Variants in DRC11 observed in about 807,000 individuals in gnomAD.
The protein encoded by DRC11 is dynein regulatory complex subunit 11.
At chr2:236,470,484 T>C in the DRC11 span, among the ~76,000 whole-genome samples, 1 of 152,120 alleles carries the variant, frequency 6.6e-6, no homozygotes, top group Non-Finnish European at 1.5e-5. The surrounding 1 kb of genome is among the most constrained non-coding windows in gnomAD (Gnocchi z 5.1). Flanking sequence ...TTCGGTCAGA[T>C]CATTGGGCTC....
chr2:236,406,194 G>T, the DRC11 span, among the ~76,000 whole-genome samples: 1 of 152,218 alleles, frequency 6.6e-6, no homozygotes, highest in Non-Finnish European at 1.5e-5. This position sits in a 1 kb window ranked among gnomAD's most constrained non-coding sequence, Gnocchi z 4.7. Context: ...TCCAGAAGAG[G>T]CTTTGTTATC....
chr2:236,409,551 C>T, the DRC11 span, among the ~76,000 whole-genome samples: 1 of 152,094 alleles, frequency 6.6e-6, no homozygotes, highest in Non-Finnish European at 1.5e-5. Context: ...ATGTCGTCTG[C>T]AAACAGGGAC....
At chr2:236,389,594 C>G in the DRC11 span, among the ~76,000 whole-genome samples, 1 of 152,164 alleles carries the variant, frequency 6.6e-6, no homozygotes, top group African/African-American at 2.4e-5. Context: ...CCCGGTACCT[C>G]AGATGGAAAT....
chr2:236,399,440 T>C, the DRC11 span: 111 of 1,613,906 alleles, frequency 6.9e-5, no homozygotes, highest in African/African-American at 2.7e-5. The surrounding 1 kb of genome is among the most constrained non-coding windows in gnomAD (Gnocchi z 7.0). Flanking sequence ...CCTTCCTTCA[T>C]TGCAGGAAGA....
the DRC11 span, among the ~76,000 whole-genome samples, chr2:236,356,077 C>G: frequency 1.3e-5 from 2 of 152,162 alleles, no homozygotes; most frequent in Non-Finnish European, 2.9e-5. Context: ...TGTCCTACAG[C>G]TGACACTGCC....
the DRC11 span, among the ~76,000 whole-genome samples, chr2:236,382,013 T>A: frequency 9.8e-5 from 15 of 152,336 alleles, no homozygotes; most frequent in African/African-American, 3.6e-4. Context: ...AAAAATTGTG[T>A]TTTGGATGCT....
At chr2:236,476,589 C>A in the DRC11 span, among the ~76,000 whole-genome samples, 31 of 152,122 alleles carry the variant, frequency 2.0e-4, no homozygotes, top group African/African-American at 7.5e-4. This position sits in a 1 kb window ranked among gnomAD's most constrained non-coding sequence, Gnocchi z 4.7. Flanking sequence ...GCTAGGACTT[C>A]CAGTATTATG....
At chr2:236,426,619 C>A in the DRC11 span, among the ~76,000 whole-genome samples, 1 of 152,132 alleles carries the variant, frequency 6.6e-6, no homozygotes, top group African/African-American at 2.4e-5. This position sits in a 1 kb window ranked among gnomAD's most constrained non-coding sequence, Gnocchi z 4.1. Context: ...GTTGCCCAGG[C>A]TCTTCTCGAA....
At chr2:236,391,925 A>T in the DRC11 span, 9 of 1,517,494 alleles carry the variant, frequency 5.9e-6, no homozygotes, top group Non-Finnish European at 8.2e-6. The surrounding 1 kb of genome is among the most constrained non-coding windows in gnomAD (Gnocchi z 4.5). Flanking sequence ...GCTGCTTTTC[A>T]TGACTGAATC....
chr2:236,492,536 G>A, the DRC11 span, among the ~76,000 whole-genome samples: 1 of 152,330 alleles, frequency 6.6e-6, no homozygotes. Context: ...GGTTTACCCT[G>A]GGACCCTGGC....
At chr2:236,344,252 G>A in the DRC11 span, among the ~76,000 whole-genome samples, 1 of 152,188 alleles carries the variant, frequency 6.6e-6, no homozygotes, top group East Asian at 1.9e-4. Context: ...ACTCCTATGT[G>A]TGCCATTTGC....
At chr2:236,484,417 TAAA>T in the DRC11 span, among the ~76,000 whole-genome samples, 1 of 152,160 alleles carries the variant, frequency 6.6e-6, no homozygotes. Context: ...AAGCAAAAAT[TAAA>T]AAACAATCAT....
the DRC11 span, among the ~76,000 whole-genome samples, chr2:236,353,210 C>G: frequency 8.5e-5 from 13 of 152,326 alleles, no homozygotes; most frequent in South Asian, 2.7e-3. This position sits in a 1 kb window ranked among gnomAD's most constrained non-coding sequence, Gnocchi z 5.0. Flanking sequence ...TTCCAGAGTT[C>G]TGTCGGGTAG....
the DRC11 span, among the ~76,000 whole-genome samples, chr2:236,413,391 G>A: frequency 6.6e-6 from 1 of 152,108 alleles, no homozygotes; most frequent in Non-Finnish European, 1.5e-5. The surrounding 1 kb of genome is among the most constrained non-coding windows in gnomAD (Gnocchi z 4.0). Flanking sequence ...TATTTCAGTG[G>A]GCACAGAAGA....
At chr2:236,497,089 G>A in the DRC11 span, 85 of 1,130,962 alleles carry the variant, frequency 7.5e-5, no homozygotes, top group African/African-American at 2.6e-4. The surrounding 1 kb of genome is among the most constrained non-coding windows in gnomAD (Gnocchi z 5.1). Context: ...GTAGAGTATC[G>A]TGTACAGATA....
At chr2:236,354,558 C>T in the DRC11 span, among the ~76,000 whole-genome samples, 1 of 152,118 alleles carries the variant, frequency 6.6e-6, no homozygotes, top group Non-Finnish European at 1.5e-5. Context: ...GGACTCTAGC[C>T]AGCTTGGAGA....
chr2:236,416,732 TATATATA>T, the DRC11 span, among the ~76,000 whole-genome samples: 1 of 45,260 alleles, frequency 2.2e-5, no homozygotes, highest in Non-Finnish European at 4.6e-5. Flanking sequence ...TATATATATA[TATATATA>T]TATATATATA....
At chr2:236,507,467 CGG>C in the DRC11 span, 1 of 600,770 alleles carries the variant, frequency 1.7e-6, no homozygotes, top group Non-Finnish European at 3.0e-6. Flanking sequence ...TTCGCAGGCA[CGG>C]AGCGCGCAGG....
At chr2:236,367,289 A>G in the DRC11 span, among the ~76,000 whole-genome samples, 1 of 148,156 alleles carries the variant, frequency 6.7e-6, no homozygotes, top group Non-Finnish European at 1.5e-5. The surrounding 1 kb of genome is among the most constrained non-coding windows in gnomAD (Gnocchi z 4.8). Flanking sequence ...GCTATTATAT[A>G]TTATATAAAA....
Sources: allele counts gnomAD v4.1 joint callset (sites outside exome capture counted in the v4.1 genomes callset), GRCh38; gene constraint gnomAD v4.1.1; non-coding constraint Gnocchi (gnomAD v3.1); transcripts MANE v1.5; gene names NCBI Gene and HGNC (gene_info 2026-07-23, HGNC 2026-07-21).